RRBP1: variants seen among roughly 807,000 people sequenced by gnomAD.
RRBP1 encodes the protein ribosome binding protein 1.
Under a neutral mutation model 165.2 loss-of-function variants are expected in RRBP1, and 94 were observed. That is an observed-to-expected ratio of 0.57 (90% CI 0.48 to 0.68). The LOEUF (loss-of-function observed/expected upper bound fraction) is 0.68, where lower values mean the gene tolerates loss of function less well. Among genes scored for constraint, RRBP1 ranks in the 30% least tolerant of loss-of-function variants. The pLI, the probability that RRBP1 is intolerant of heterozygous loss-of-function variation, is 0.00. For missense variants in RRBP1, 1,676 were observed against 1,763.0 expected, an observed-to-expected ratio of 0.95 and a Z score of 0.88; for synonymous variants, 680 against 714.5, an observed-to-expected ratio of 0.95 and a Z score of 0.77.
At chr20:17,622,213 C>T (rs1405792797) in intron 13 of RRBP1, among the ~76,000 whole-genome samples, 1 of 152,212 alleles carries the variant, frequency 6.6e-6, no homozygotes, top group Non-Finnish European at 1.5e-5. Flanking sequence ...ATGGCAGGTG[C>T]CAGCTCCCGG....
chr20:17,644,290 G>C (rs986983439), intron 3 of RRBP1, among the ~76,000 whole-genome samples: 1 of 152,144 alleles, frequency 6.6e-6, no homozygotes, highest in African/African-American at 2.4e-5. Flanking sequence ...AAAGGCCTAA[G>C]AGGTCATGGG....
rs751396336 is a variant in RRBP1, at chr20:17,658,760, G to T, written c.1748C>A (p.Ser583Tyr). 1.2e-6 allele frequency: 2 copies of T among 1,612,528 alleles called. No homozygotes were observed. Among genetic ancestry groups the T allele is most frequent in the East Asian group, 4.5e-5 (2 of 44,860 alleles). ...GTCTGCCTTTTTGCCTTGGTTGGGG[G>T]ACCCTTCTGCCTTTTTGCCTTCACT... is the stretch of plus-strand genomic sequence containing the variant. ...SPSEGKKAEG[S>Y]PNQGKKADAA... is the part of the protein sequence containing the mutation. The change falls in exon 3 of 25, where the codon TCC becomes TAC. Residue 583 changes from serine to tyrosine, a missense_variant. By Grantham distance (144) the Ser-to-Tyr change is moderately radical. Around this residue, in one of 5 missense-constraint regions of RRBP1, gnomAD observed 1,184 missense variants for 1,167.1 expected, o/e 1.01. Transcript: ENST00000377813.
intron 13 of RRBP1, among the ~76,000 whole-genome samples, chr20:17,624,372 CT>C (rs572943247): frequency 1.2e-3 from 176 of 152,286 alleles, no homozygotes; most frequent in South Asian, 5.6e-3. Flanking sequence ...CCTAGTGCCT[CT>C]GTGTGTCCTA....
chr20:17,618,506 A>G lies in RRBP1; in HGVS notation c.3759+90T>C, dbSNP rs2035844249. 2.1e-5 allele frequency: 22 copies of G among 1,037,826 alleles called. 1 individual carries two copies. The South Asian group carries it at 2.8e-4, about 13-fold the overall frequency. The allele number at this position is 1,037,826 out of a possible 1,614,324, so 64.3% of individuals were successfully genotyped here. A position where few individuals can be genotyped will look rare whatever the true frequency, so the allele number is the denominator to read the frequency against. ...GTCCCTTCCCTAGGCTTTATCTTTGAGTGGACACAAACGCATGACTGGCAA... is the reference window on the plus strand; with the variant it reads ...GTCCCTTCCCTAGGCTTTATCTTTGGGTGGACACAAACGCATGACTGGCAA... On this transcript the variant is annotated intron_variant, in intron 20 of 24. Transcript: ENST00000377813.
At chr20:17,644,398 A>G (rs949080571) in intron 3 of RRBP1, among the ~76,000 whole-genome samples, 1 of 152,358 alleles carries the variant, frequency 6.6e-6, no homozygotes, top group Admixed American at 6.5e-5. Context: ...CACACACAAG[A>G]GAAAATTCTA....
intron 3 of RRBP1, among the ~76,000 whole-genome samples, chr20:17,652,329 T>C (rs1045046292): frequency 1.3e-5 from 2 of 152,180 alleles, no homozygotes; most frequent in Non-Finnish European, 2.9e-5. Context: ...TTTAATTTTA[T>C]TTACTTCTGA....
chr20:17,675,594 A>G (rs1291633267), intron 2 of RRBP1, among the ~76,000 whole-genome samples: 3 of 152,210 alleles, frequency 2.0e-5, no homozygotes, highest in African/African-American at 7.2e-5. Flanking sequence ...CACACAGGGT[A>G]GCCAACAGGC....
chr20:17,665,669 A>T (rs889029648), intron 2 of RRBP1, among the ~76,000 whole-genome samples: 2 of 152,226 alleles, frequency 1.3e-5, no homozygotes, highest in African/African-American at 4.8e-5. Context: ...GGTTTTAAAA[A>T]TTTATGCTGT....
rs1405495624 is a variant in RRBP1 at position 17,682,067 on chromosome 20, AGCCGCCGCCTTC to A, written c.-150_-139del. 2.0e-5 allele frequency: 3 copies of A among 153,310 alleles called. No individual in the cohort carries two copies. The highest frequency in any genetic ancestry group is 7.3e-5 in the African/African-American group (3 of 41,366). The allele number at this position is 153,310 out of a possible 1,614,324, so 9.5% of individuals were successfully genotyped here. A position where few individuals can be genotyped will look rare whatever the true frequency, so the allele number is the denominator to read the frequency against. On this transcript the variant is annotated 5_prime_UTR_variant, in exon 1 of 25. Transcript: ENST00000377813. ...GCGAGAGGGAAAGCGAGAGGGCAGG[AGCCGCCGCCTTC>A]GCAGCCGCCGCGGAGCCGGGAGAGA...
chr20:17,649,668 G>C (rs941989199), intron 3 of RRBP1, among the ~76,000 whole-genome samples: 2 of 152,088 alleles, frequency 1.3e-5, no homozygotes, highest in Admixed American at 6.6e-5. Context: ...TGCTACCCTA[G>C]ACACCTTGAA....
chr20:17,624,538 T>G, intron 13 of RRBP1, 38 bp downstream of exon 13: 1 of 1,423,846 alleles, frequency 7.0e-7, no homozygotes, highest in South Asian at 1.2e-5. Flanking sequence ...CCTAGTGCAC[T>G]TTCCATGGTG....
chr20:17,629,706 G>A, intron 9 of RRBP1, 117 bp downstream of exon 9: 2 of 1,082,362 alleles, frequency 1.8e-6, no homozygotes, highest in Non-Finnish European at 1.3e-6. Flanking sequence ...AGGGATCCGT[G>A]CTGCCCTCAC....
In RRBP1 at chr20:17,658,681, A is replaced by G. The variant is rs1048940025; in HGVS notation, c.1827T>C (p.Asn609=). ...KTESASVQGR[N]TDVAQSPEAP... is the part of the protein sequence containing the mutation. ...CCTCTGGGCTCTGGGCCACATCTGT[A>G]TTTCTGCCCTGGACAGAAGCTGACT... Residue 609 remains asparagine, a synonymous_variant, in exon 3 of 25, where the codon AAT becomes AAC. Transcript: ENST00000377813. 4 of 1,613,932 alleles carry G rather than the reference A, an allele frequency of 2.5e-6. No individual in the cohort carries two copies. In the African/African-American group the frequency reaches 4.0e-5, roughly 16 times the overall value.
At chr20:17,636,383 C>T (rs112782504) in intron 6 of RRBP1, among the ~76,000 whole-genome samples, 194 bp downstream of exon 6, 29 of 152,364 alleles carry the variant, frequency 1.9e-4, no homozygotes, top group African/African-American at 5.5e-4. Context: ...TATACACACA[C>T]TTGGGCTGCC....
rs552472264 is a variant in RRBP1, at chr20:17,667,000, T to G, written c.-21-6472A>C. Among the ~76,000 whole-genome samples, 84 of 152,370 alleles carry G rather than the reference T, an allele frequency of 5.5e-4. 1 individual carries two copies. Among genetic ancestry groups the G allele is most frequent in the South Asian group, 2.1e-3 (10 of 4,834 alleles). ...TGGAGATTCTTTTCTAACACATCAC[T>G]AGATTTGGTTTGTTAACATTTTTAT... is the stretch of plus-strand genomic sequence containing the variant. On this transcript the variant is annotated intron_variant, in intron 2 of 24. Coordinates refer to ENST00000377813, the MANE Select transcript of RRBP1 (RefSeq NM_001365613.2).
At chr20:17,641,997 G>A in intron 4 of RRBP1, 78 bp from the exon 5 acceptor site, 2 of 1,470,214 alleles carry the variant, frequency 1.4e-6, no homozygotes, top group East Asian at 2.3e-5. Flanking sequence ...CAAGAGCAGA[G>A]GCCTGAGGGC....
intron 9 of RRBP1, 39 bp downstream of exon 9, chr20:17,629,784 C>G (rs775134882): frequency 1.9e-6 from 3 of 1,576,426 alleles, no homozygotes; most frequent in East Asian, 2.2e-5. Context: ...GACCCAGCAC[C>G]CTGCACTGAA....
chr20:17,658,764 C>T lies in RRBP1; in HGVS notation c.1744G>A (p.Gly582Arg), dbSNP rs757051676. The change falls in exon 3 of 25, where the codon GGG (glycine) becomes AGG (arginine). Residue 582 changes from glycine to arginine, a missense_variant. Physicochemically the swap from Gly to Arg is moderately radical, Grantham distance 125. Coordinates refer to ENST00000377813, the MANE Select transcript of RRBP1 (RefSeq NM_001365613.2). ...GCCTTTTTGCCTTGGTTGGGGGACCCTTCTGCCTTTTTGCCTTCACTGGGG... is the reference window on the plus strand; with the variant it reads ...GCCTTTTTGCCTTGGTTGGGGGACCTTTCTGCCTTTTTGCCTTCACTGGGG... ...GSPSEGKKAE[G>R]SPNQGKKADA... is the part of the protein sequence containing the mutation. 6.2e-7 allele frequency: 1 copy of T among 1,612,532 alleles called. No individual in the cohort carries two copies. The highest frequency in any genetic ancestry group is 1.7e-5 in the Admixed American group (1 of 59,988).
chr20:17,628,369 C>T lies in RRBP1; in HGVS notation c.2750-687G>A, dbSNP rs897244959. Among the ~76,000 whole-genome samples, 6 of 152,192 alleles carry T rather than the reference C, an allele frequency of 3.9e-5. No individual in the cohort carries two copies. The East Asian group carries it at 9.7e-4, about 24-fold the overall frequency. On this transcript the variant is annotated intron_variant, in intron 9 of 24. Transcript: ENST00000377813. The stretch of plus-strand genomic sequence containing the variant: ...TCGCCCACTGCCGAAGCCTACGAGC[C>T]CACACCCGCCATCTGTCAAGTTGCC...
Sources: allele counts gnomAD v4.1 joint callset (sites outside exome capture counted in the v4.1 genomes callset), GRCh38; gene constraint gnomAD v4.1.1; regional missense constraint gnomAD v4.1.1; transcripts MANE v1.5; gene names NCBI Gene and HGNC (gene_info 2026-07-23, HGNC 2026-07-21).